DAB1: variants seen among roughly 807,000 people sequenced by gnomAD.
DAB1 encodes disabled homolog 1.
In DAB1, 15 loss-of-function variants were observed where a neutral mutation model predicts 64.6. That is an observed-to-expected ratio of 0.23 (90% CI 0.16 to 0.36). DAB1 has a LOEUF of 0.36. Among genes scored for constraint, DAB1 ranks in the 10% least tolerant of loss-of-function variants. The pLI is 1.00. For missense variants in DAB1, 596 were observed against 706.7 expected (o/e 0.84, Z 1.78); for synonymous variants, 235 against 251.9 (o/e 0.93, Z 0.64).
intron 6 of DAB1, among the ~76,000 whole-genome samples, chr1:57,720,427 A>G (rs865979482): frequency 6.6e-6 from 1 of 152,340 alleles, no homozygotes; most frequent in Middle Eastern, 3.4e-3. Context: ...CCACTGCCCC[A>G]TATTGCCAAT....
Position 57,278,905 on chromosome 1 carries a change from T to C in DAB1, c.67+12059A>G, listed in dbSNP as rs568556064. ...AGATTTTTAAAAAGCAGCTACCTCA[T>C]AGGAATGATCTGAATGAGAAAACAG... is the stretch of plus-strand genomic sequence containing the variant. On this transcript the variant is annotated intron_variant, in intron 2 of 14. Transcript: ENST00000371236. Among the ~76,000 whole-genome samples the C allele has an allele frequency of 1.2e-4, 19 of 152,296 alleles. No homozygotes were observed. In the South Asian group the frequency reaches 3.9e-3, roughly 32 times the overall value.
intron 3 of DAB1, among the ~76,000 whole-genome samples, chr1:58,356,327 A>G (rs1644111050): frequency 6.6e-6 from 1 of 152,186 alleles, no homozygotes; most frequent in African/African-American, 2.4e-5. Context: ...CTAGAACACT[A>G]TAGCTGGTAC....
chr1:58,387,663 A>T (rs1377734162), intron 3 of DAB1, among the ~76,000 whole-genome samples: 1 of 150,980 alleles, frequency 6.6e-6, no homozygotes, highest in African/African-American at 2.4e-5. Context: ...TCTAGGAGTT[A>T]ATCTTTCCTG....
intron 14 of DAB1, among the ~76,000 whole-genome samples, chr1:57,001,330 C>T (rs1002769500): frequency 5.3e-5 from 8 of 152,168 alleles, no homozygotes; most frequent in African/African-American, 9.7e-5. Flanking sequence ...GATTTGTCCA[C>T]GTCTCTGCCC....
At chr1:58,213,033 T>G (rs909102525) in intron 4 of DAB1, among the ~76,000 whole-genome samples, 4 of 152,088 alleles carry the variant, frequency 2.6e-5, no homozygotes, top group Admixed American at 1.3e-4. Context: ...ACAAACAAAA[T>G]AGACGTAACA....
chr1:57,638,365 T>C (rs1309561003), intron 7 of DAB1, among the ~76,000 whole-genome samples: 5 of 152,212 alleles, frequency 3.3e-5, no homozygotes, highest in African/African-American at 9.6e-5. Context: ...ATGAAGTACA[T>C]GTTTTCAGCA....
At chr1:57,100,283 G>C (rs1654548879) in intron 4 of DAB1, among the ~76,000 whole-genome samples, 1 of 152,202 alleles carries the variant, frequency 6.6e-6, no homozygotes, top group Non-Finnish European at 1.5e-5. Context: ...ACATGGTAAA[G>C]GCTATACTGT....
At chr1:57,536,540 A>T (rs1644730836) in intron 7 of DAB1, among the ~76,000 whole-genome samples, 1 of 152,056 alleles carries the variant, frequency 6.6e-6, no homozygotes, top group South Asian at 2.1e-4. Context: ...CACTTAGTCA[A>T]CCTGCCTGAG....
chr1:57,937,390 G>A (rs1645041551), intron 5 of DAB1, among the ~76,000 whole-genome samples: 1 of 152,066 alleles, frequency 6.6e-6, no homozygotes, highest in Non-Finnish European at 1.5e-5. Context: ...ACGATGAAAA[G>A]CCAAACTATG....
intron 4 of DAB1, among the ~76,000 whole-genome samples, chr1:57,082,445 T>C (rs1416802804): frequency 3.3e-5 from 5 of 152,242 alleles, no homozygotes; most frequent in African/African-American, 1.2e-4. Flanking sequence ...CAGTTTCCTT[T>C]GTTCCTTCTG....
At chr1:58,224,336 G>A (rs1222615962) in intron 4 of DAB1, among the ~76,000 whole-genome samples, 1 of 152,210 alleles carries the variant, frequency 6.6e-6, no homozygotes, top group Non-Finnish European at 1.5e-5. Flanking sequence ...AGCAGTAGCA[G>A]TAGCCTCAAT....
At chr1:58,110,569 G>T (rs1651916836) in intron 5 of DAB1, among the ~76,000 whole-genome samples, 1 of 152,204 alleles carries the variant, frequency 6.6e-6, no homozygotes, top group Admixed American at 6.5e-5. Flanking sequence ...TGAGGCCAGA[G>T]AAGTTAAAAC....
chr1:58,221,525 C>A (rs1234224266), intron 4 of DAB1, among the ~76,000 whole-genome samples: 1 of 152,220 alleles, frequency 6.6e-6, no homozygotes, highest in Admixed American at 6.5e-5. Flanking sequence ...AAAACATCCC[C>A]AGCACATGGT....
At chr1:57,126,110 T>C (rs1190288204) in intron 4 of DAB1, among the ~76,000 whole-genome samples, 2 of 151,494 alleles carry the variant, frequency 1.3e-5, no homozygotes, top group Non-Finnish European at 2.9e-5. Context: ...TAGAAGAGCA[T>C]GCAGAGACTT....
At chr1:58,005,523 C>T (rs895405561) in intron 5 of DAB1, among the ~76,000 whole-genome samples, 2 of 149,684 alleles carry the variant, frequency 1.3e-5, no homozygotes, top group Non-Finnish European at 3.0e-5. Context: ...AATCAGTAAA[C>T]ATGCTATATC....
At chr1:58,508,356 C>T (rs113689101) in intron 2 of DAB1, among the ~76,000 whole-genome samples, 5 of 152,210 alleles carry the variant, frequency 3.3e-5, no homozygotes, top group African/African-American at 7.2e-5. Context: ...AAGAATAGGA[C>T]GCCCTAAACC....
chr1:57,554,505 TAC>T (rs5774357), intron 7 of DAB1, among the ~76,000 whole-genome samples: 4,510 of 152,334 alleles, frequency 0.03, 174 homozygotes, highest in Admixed American at 0.12. Flanking sequence ...GATATTATTA[TAC>T]AGTTTCAACT....
chr1:57,027,241 A>C (rs1158484765), intron 9 of DAB1, among the ~76,000 whole-genome samples: 2 of 152,156 alleles, frequency 1.3e-5, no homozygotes, highest in Non-Finnish European at 2.9e-5. Flanking sequence ...ATAAACCACA[A>C]GAGAAAGGAG....
chr1:58,546,713 G>A (rs575408178), exon 1 of DAB1: 4 of 152,356 alleles, frequency 2.6e-5, no homozygotes, highest in African/African-American at 9.6e-5. Context: ...TCAAGCAGAA[G>A]CGAAAGCGGT....
Sources: allele counts gnomAD v4.1 joint callset (sites outside exome capture counted in the v4.1 genomes callset), GRCh38; gene constraint gnomAD v4.1.1; transcripts MANE v1.5; gene names NCBI Gene and HGNC (gene_info 2026-07-23, HGNC 2026-07-21).